The following BCOR variants were observed in gnomAD, a reference collection of about 807,000 sequenced individuals.
The protein encoded by BCOR is BCL-6 corepressor.
Under a neutral mutation model 86.7 loss-of-function variants are expected in BCOR, and 10 were observed. That is an observed-to-expected ratio of 0.12 (90% confidence interval 0.07 to 0.20). The LOEUF (loss-of-function observed/expected upper bound fraction) is 0.20. Ranked by LOEUF, BCOR falls within the 10% of genes least tolerant of loss-of-function variation. The probability of loss-of-function intolerance (pLI) is 1.00; values close to 1 mark genes in which losing one functional copy is unlikely to be tolerated. For synonymous variants in BCOR, 611 were observed against 609.0 expected (o/e 1.00, Z -0.05); for missense variants, 1,259 against 1,452.1 (o/e 0.87, Z 2.16).
rs769942209 is a variant in BCOR, at chrX:40,063,000, C to G, written c.3919G>C (p.Ala1307Pro). The part of the protein sequence containing the change: ...SSTSAGGKKQ[A>P]QPSCAPASRP... ...GAGGCTGGTGCGCAGCTTGGCTGAG[C>G]CTGCTTTTTGCCGCCTGCACTGGTG... is the stretch of plus-strand genomic sequence containing the variant. The change falls in exon 9 of 15, where the codon GCT (alanine) becomes CCT (proline). Residue 1307 changes from alanine (A) to proline (P), a missense_variant. Coordinates refer to ENST00000378444, the MANE Select transcript of BCOR (RefSeq NM_001123385.2). The G allele has an allele frequency of 8.5e-7, 1 of 1,177,214 alleles. No individual in the cohort carries two copies. The highest frequency in any genetic ancestry group is 1.1e-6 in the Non-Finnish European group (1 of 877,933).
chrX:40,137,924 A>G (rs1351630486), intron 1 of BCOR, among the ~76,000 whole-genome samples: 1 of 111,351 alleles, frequency 9.0e-6, no homozygotes, highest in Non-Finnish European at 1.9e-5. Context: ...ATAAAAGGGA[A>G]GTGGACGGGG....
At chrX:40,099,124 C>A (rs1456468280), upstream of BCOR, among the ~76,000 whole-genome samples, 1 of 112,548 alleles carries the variant, frequency 8.9e-6, no homozygotes, top group Non-Finnish European at 1.9e-5. Context: ...CGGTGCTTGG[C>A]GGCGGCGTAC....
chrX:40,154,835 A>G (rs763940270), intron 1 of BCOR, among the ~76,000 whole-genome samples: 22 of 112,617 alleles, frequency 2.0e-4, no homozygotes, highest in African/African-American at 6.1e-4. Context: ...CCCATTAGGG[A>G]AAGTCGGCGG....
chrX:40,108,589 G>T (rs1332350790), intron 1 of BCOR, among the ~76,000 whole-genome samples: 2 of 113,422 alleles, frequency 1.8e-5, no homozygotes, highest in Admixed American at 9.2e-5. Context: ...GCCTCCGCCC[G>T]CCGGGCCTTT....
intron 1 of BCOR, among the ~76,000 whole-genome samples, chrX:40,168,729 G>A (rs1376579161): frequency 8.8e-6 from 1 of 113,269 alleles, no homozygotes. Context: ...CCTGGACCGC[G>A]AGCACGGAGC....
upstream of BCOR, among the ~76,000 whole-genome samples, chrX:40,100,360 AC>A (rs1361034384): frequency 8.9e-6 from 1 of 112,513 alleles, no homozygotes; most frequent in Non-Finnish European, 1.9e-5. Flanking sequence ...GTTAGGCCGA[AC>A]CGCAGAGGCC....
rs1938761011 is a variant in BCOR at position 40,176,613 on chromosome X, G to A, written c.-41+394C>T. Among the ~76,000 whole-genome samples, 4 of 108,124 alleles carry A rather than the reference G, an allele frequency of 3.7e-5. No individual in the cohort carries two copies. The South Asian group carries it at 1.6e-3, about 43-fold the overall frequency. 93.9% of individuals were successfully genotyped at this position (108,124 alleles called of 115,157 possible). A position where few individuals can be genotyped will look rare whatever the true frequency, so the allele number is the denominator to read the frequency against. ...CCCGCCCCCCAACGATTCCTCGTCC[G>A]GCCCGTGCCGCACCACGCGGAGCTC... On this transcript the variant is annotated intron_variant, in intron 1 of 14. Coordinates refer to the BCOR transcript ENST00000342274.
chrX:40,118,533 C>T (rs759452591), intron 1 of BCOR, among the ~76,000 whole-genome samples: 1 of 111,110 alleles, frequency 9.0e-6, no homozygotes, highest in South Asian at 3.8e-4. Context: ...TCCCAAAGTG[C>T]TGGAATTATA....
At chrX:40,171,993 G>A (rs1190614946) in intron 1 of BCOR, among the ~76,000 whole-genome samples, 1 of 112,853 alleles carries the variant, frequency 8.9e-6, no homozygotes, top group Non-Finnish European at 1.9e-5. Context: ...CAGCCCCCAG[G>A]CCAGCCTGGC....
chrX:40,102,800 C>T (rs931808199), upstream of BCOR, among the ~76,000 whole-genome samples: 11 of 113,336 alleles, frequency 9.7e-5, no homozygotes, highest in Non-Finnish European at 2.1e-4. Context: ...TGGGTACGGA[C>T]CAGCAGAAGG....
chrX:40,175,811 C>T (rs890357070), intron 1 of BCOR, among the ~76,000 whole-genome samples: 3 of 113,009 alleles, frequency 2.7e-5, no homozygotes, highest in Admixed American at 1.8e-4. Context: ...CCGGAAGAGC[C>T]GCCCTTACTC....
chrX:40,125,497 G>A (rs561955446), intron 1 of BCOR, among the ~76,000 whole-genome samples: 32 of 111,559 alleles, frequency 2.9e-4, no homozygotes, highest in African/African-American at 1.0e-3. Flanking sequence ...ACCTCCCAAA[G>A]TGCTGTGATT....
At chrX:40,129,313 G>A (rs920839945) in intron 1 of BCOR, among the ~76,000 whole-genome samples, 2 of 110,771 alleles carry the variant, frequency 1.8e-5, no homozygotes, top group Non-Finnish European at 3.8e-5. Flanking sequence ...GTGAAACCCC[G>A]TCTCTACTAA....
chrX:40,115,992 G>A (rs1937387842), intron 1 of BCOR, among the ~76,000 whole-genome samples: 1 of 111,113 alleles, frequency 9.0e-6, no homozygotes, highest in Non-Finnish European at 1.9e-5. Context: ...TCCTTACCAT[G>A]GGAAAAGGTA....
At chrX:40,129,936 G>C (rs1384162256) in intron 1 of BCOR, among the ~76,000 whole-genome samples, 1 of 110,968 alleles carries the variant, frequency 9.0e-6, no homozygotes, top group African/African-American at 3.3e-5. Flanking sequence ...AGCTACTTGG[G>C]AGGCTGAGGC....
chrX:40,061,347 C>T (rs1219250565), intron 10 of BCOR, among the ~76,000 whole-genome samples: 1 of 111,493 alleles, frequency 9.0e-6, no homozygotes, highest in Non-Finnish European at 1.9e-5. Context: ...TGGGGGGAGA[C>T]TGGGCTTTGG....
At chrX:40,127,901 TAAA>T (rs1569188106) in intron 1 of BCOR, among the ~76,000 whole-genome samples, 18 of 103,066 alleles carry the variant, frequency 1.7e-4, no homozygotes, top group Middle Eastern at 4.9e-3. Context: ...AATAAATAAA[TAAA>T]TAAATTTAAA....
At chrX:40,091,052 G>T (rs757403772) in intron 1 of BCOR, among the ~76,000 whole-genome samples, 1 of 111,799 alleles carries the variant, frequency 8.9e-6, no homozygotes, top group Non-Finnish European at 1.9e-5. Flanking sequence ...CGCTTCCCAA[G>T]TTGTGACCTT....
intron 6 of BCOR, among the ~76,000 whole-genome samples, chrX:40,069,005 C>G (rs1935338172): frequency 8.9e-6 from 1 of 112,591 alleles, no homozygotes; most frequent in Non-Finnish European, 1.9e-5. Flanking sequence ...CTGCCTGCCC[C>G]AAATCCCCAC....
Sources: gnomAD v4.1 joint callset for allele counts (sites outside exome capture counted in the v4.1 genomes callset) on GRCh38, gnomAD v4.1.1 for gene constraint, MANE v1.5 for transcripts, NCBI Gene and HGNC (gene_info 2026-07-23, HGNC 2026-07-21) for gene names.